Variants in EFHC1 observed in about 807,000 individuals in gnomAD.
EFHC1 encodes EF-hand domain containing 1, also known as EF-hand domain-containing protein 1.
A neutral mutation model predicts 69.9 loss-of-function variants in EFHC1; 53 were observed. The observed-to-expected ratio is 0.76, with a 90% confidence interval of 0.61 to 0.95. The LOEUF (loss-of-function observed/expected upper bound fraction) is 0.95, where lower values mean the gene tolerates loss of function less well. Ranked by LOEUF, EFHC1 falls within the 40% of genes least tolerant of loss-of-function variation. EFHC1 has a pLI of 0.00. For missense variants in EFHC1, 739 were observed against 798.7 expected (o/e 0.93, Z 0.90); for synonymous variants, 256 against 278.4 (o/e 0.92, Z 0.80).
intron 3 of EFHC1, among the ~76,000 whole-genome samples, chr6:52,440,676 G>A (rs1028311070): frequency 6.6e-6 from 1 of 152,046 alleles, no homozygotes; most frequent in African/African-American, 2.4e-5. Context: ...AGGTCAAATG[G>A]TAGTTCTGTT....
intron 3 of EFHC1, among the ~76,000 whole-genome samples, chr6:52,442,507 C>T (rs1427493454): frequency 6.6e-6 from 1 of 151,380 alleles, no homozygotes; most frequent in Non-Finnish European, 1.5e-5. Flanking sequence ...CAAGTGTTCT[C>T]ATTGTTCAAT....
chr6:52,453,456 G>A lies in EFHC1; in HGVS notation c.723+619G>A, dbSNP rs577727735. ...AGAAAAGGAAGAGATCACCCTCAGT[G>A]CTTCTTTGCTGCTCCTTTTCTTTAG... On this transcript the variant is annotated intron_variant, in intron 4 of 10. Transcript: ENST00000371068. 7.2e-5 allele frequency: 93 copies of A among 1,287,068 alleles called. 3 individuals are homozygous for A. The South Asian group carries it at 1.1e-3, about 16-fold the overall frequency. The allele number at this position is 1,287,068 out of a possible 1,614,324, so 79.7% of individuals were successfully genotyped here. A position where few individuals can be genotyped will look rare whatever the true frequency, so the allele number is the denominator to read the frequency against.
At chr6:52,452,581 C>T (rs1431701319) in intron 3 of EFHC1, 107 bp from the exon 4 acceptor site, 8 of 1,316,218 alleles carry the variant, frequency 6.1e-6, no homozygotes, top group Non-Finnish European at 7.6e-6. Context: ...AGATTGTAGG[C>T]CTGAGCCACA....
In EFHC1 at chr6:52,492,847, G is replaced by T. The variant is rs747813757; in HGVS notation, c.*506G>T. 28 of 448,792 alleles carry T rather than the reference G, an allele frequency of 6.2e-5. No individual in the cohort carries two copies. Among genetic ancestry groups the T allele is most frequent in the South Asian group, 4.4e-4 (28 of 63,408 alleles). The allele number at this position is 448,792 out of a possible 1,614,324, so 27.8% of individuals were successfully genotyped here. ...GCCTGAACTTGTCTCAAACTCATGA[G>T]CTCCAGAAATTCTCCCACCTCAGCC... On this transcript the variant is annotated 3_prime_UTR_variant, in exon 11 of 11. Coordinates refer to ENST00000371068, the MANE Select transcript of EFHC1 (RefSeq NM_018100.4).
intron 7 of EFHC1, among the ~76,000 whole-genome samples, chr6:52,477,934 C>T (rs1272152): frequency 0.37 from 56,238 of 151,838 alleles, 11,373 homozygotes; most frequent in Non-Finnish European, 0.46. Flanking sequence ...GGGTATATAC[C>T]GAAAGGACTA....
chr6:52,423,202 G>C lies in EFHC1; in HGVS notation c.64-744G>C, dbSNP rs559909732. Among the ~76,000 whole-genome samples the C allele has an allele frequency of 2.0e-5, 3 of 152,244 alleles. No individual in the cohort carries two copies. In the East Asian group the frequency reaches 5.8e-4, roughly 29 times the overall value. ...ATGTATCACTGTCATTGTGACAAGA[G>C]GGACAGGTAAAAATAAATTCATTCC... On this transcript the variant is annotated intron_variant, in intron 1 of 10. Transcript: ENST00000371068.
chr6:52,434,295 C>T (rs1764480997), intron 2 of EFHC1, among the ~76,000 whole-genome samples: 1 of 152,184 alleles, frequency 6.6e-6, no homozygotes, highest in Non-Finnish European at 1.5e-5. Context: ...TCCCCAAGTA[C>T]CCCTGTGAAG....
Position 52,454,256 on chromosome 6 carries a change from G to A in EFHC1, c.885G>A (p.Gln295=). The change falls in exon 5 of 11, where the codon CAG becomes CAA. Residue 295 remains glutamine (Q), a synonymous_variant. Coordinates refer to ENST00000371068, the MANE Select transcript of EFHC1 (RefSeq NM_018100.4). ...RDPFPLLMNR[Q]RVPKVLVENA... ...CTTTCCCACTCCTAATGAACCGCCA[G>A]CGTGTGCCCAAAGTTTTGGTGGAAA... 6.2e-7 allele frequency: 1 copy of A among 1,614,162 alleles called. No homozygotes were observed. The highest frequency in any genetic ancestry group is 1.1e-5 in the South Asian group (1 of 91,082).
chr6:52,466,865 C>T (rs1324845779), intron 6 of EFHC1, among the ~76,000 whole-genome samples: 2 of 152,078 alleles, frequency 1.3e-5, no homozygotes, highest in Non-Finnish European at 2.9e-5. Context: ...GTGATAATAC[C>T]TCTTGCTGTC....
At chr6:52,423,829 G>A (rs1331432912) in intron 1 of EFHC1, 117 bp from the exon 2 acceptor site, 1 of 1,541,128 alleles carries the variant, frequency 6.5e-7, no homozygotes, top group East Asian at 2.4e-5. Flanking sequence ...GCTTCTTGAT[G>A]TAAGTTTTGT....
chr6:52,489,599 A>C (rs1765853798), intron 9 of EFHC1: 1 of 163,038 alleles, frequency 6.1e-6, no homozygotes, highest in Admixed American at 5.8e-5. Context: ...GCTAAGCCCA[A>C]ACTTCTCACT....
intron 3 of EFHC1, among the ~76,000 whole-genome samples, chr6:52,446,901 T>A (rs2113987531): frequency 6.6e-6 from 1 of 152,370 alleles, no homozygotes; most frequent in East Asian, 1.9e-4. Flanking sequence ...CACTCTCTTC[T>A]GGCTTGTAGA....
intron 2 of EFHC1, among the ~76,000 whole-genome samples, chr6:52,436,825 A>G (rs569174506): frequency 1.3e-5 from 2 of 152,202 alleles, no homozygotes; most frequent in South Asian, 4.1e-4. Context: ...TATTTTTAGT[A>G]CAGACGGGGT....
Position 52,446,548 on chromosome 6 carries a change from T to G in EFHC1, c.574-6140T>G, listed in dbSNP as rs145174039. On this transcript the variant is annotated intron_variant, in intron 3 of 10. Coordinates refer to ENST00000371068, the MANE Select transcript of EFHC1 (RefSeq NM_018100.4). ...GTCTGTGTCTTTTAATTGGAGCATT[T>G]AGTTCATTTACATTTAAGGTTAATA... is the stretch of plus-strand genomic sequence containing the variant. Among the ~76,000 whole-genome samples the G allele has an allele frequency of 4.9e-3, 746 of 152,362 alleles. 4 individuals carry two copies. Among genetic ancestry groups the G allele is most frequent in the African/African-American group, 0.016 (678 of 41,582 alleles).
intron 5 of EFHC1, among the ~76,000 whole-genome samples, chr6:52,462,029 G>T (rs867919650): frequency 1.3e-5 from 2 of 151,898 alleles, no homozygotes; most frequent in African/African-American, 4.8e-5. Flanking sequence ...TTCAATAGTT[G>T]TTAGATCAAA....
rs746949898 is a variant in EFHC1 at position 52,479,690 on chromosome 6, T to C, written c.1543T>C (p.Tyr515His). The change falls in exon 9 of 11, where the codon TAC becomes CAC. Residue 515 changes from tyrosine (Y) to histidine (H), a missense_variant. Physicochemically the swap from Tyr to His is moderately conservative, Grantham distance 83. Transcript: ENST00000371068. Reference sequence around the variant, plus strand: ...TGATACAGACGAGTATGTTTTGAAATACATGGAGAGCAACGCTGCCCAGTA... The same window carrying C: ...TGATACAGACGAGTATGTTTTGAAACACATGGAGAGCAACGCTGCCCAGTA... ...ILDTDEYVLK[Y>H]MESNAAQYSP... is the part of the protein sequence containing the mutation. 1.9e-6 allele frequency: 3 copies of C among 1,614,198 alleles called. No homozygotes were observed. The highest frequency in any genetic ancestry group is 2.5e-6 in the Non-Finnish European group (3 of 1,180,028).
In EFHC1 at chr6:52,492,299, C is replaced by A; in HGVS notation, c.1881C>A (p.Gly627=). 1 of 1,614,000 alleles carries A rather than the reference C, an allele frequency of 6.2e-7. No individual in the cohort carries two copies. The highest frequency in any genetic ancestry group is 8.5e-7 in the Non-Finnish European group (1 of 1,179,946). Residue 627 remains glycine (G), a synonymous_variant, in exon 11 of 11, where the codon GGC becomes GGA. Transcript: ENST00000371068. ...ELIRMCSHGE[G]KINYYNFVRA... ...TCAGGATGTGCTCTCATGGAGAAGG[C>A]AAAATTAACTACTATAACTTTGTTC...
At chr6:52,450,639 T>C (rs1024410939) in intron 3 of EFHC1, among the ~76,000 whole-genome samples, 1 of 152,178 alleles carries the variant, frequency 6.6e-6, no homozygotes, top group Non-Finnish European at 1.5e-5. Context: ...TGCTTTTTTC[T>C]ATTTTCCATC....
intron 10 of EFHC1, 115 bp downstream of exon 10, chr6:52,490,465 A>C: frequency 1.2e-6 from 1 of 862,582 alleles, no homozygotes; most frequent in South Asian, 1.4e-5. Flanking sequence ...GGATGTTCAG[A>C]TCAGATCTAC....
Sources: allele counts gnomAD v4.1 joint callset (sites outside exome capture counted in the v4.1 genomes callset), GRCh38; gene constraint gnomAD v4.1.1; transcripts MANE v1.5; gene names NCBI Gene and HGNC (gene_info 2026-07-23, HGNC 2026-07-21).